ZNF787: variants seen among roughly 807,000 people sequenced by gnomAD.
ZNF787 encodes TTF-I-interacting peptide 20.
ZNF787 carries 7 observed loss-of-function variants against 16.9 expected under a neutral mutation model. The ratio of observed to expected loss-of-function variants is 0.42; its 90% confidence interval spans 0.24 to 0.78. The LOEUF (loss-of-function observed/expected upper bound fraction) is 0.78, where lower values mean the gene tolerates loss of function less well. Ranked by LOEUF, ZNF787 falls within the 30% of genes least tolerant of loss-of-function variation. ZNF787 has a pLI of 0.30. For missense variants in ZNF787, 551 were observed against 589.3 expected (o/e 0.94, Z 0.67); for synonymous variants, 345 against 270.9 (o/e 1.27, Z -2.69).
At chr19:56,119,746 C>T (rs2030232712) in intron 1 of ZNF787, among the ~76,000 whole-genome samples, 1 of 152,202 alleles carries the variant, frequency 6.6e-6, no homozygotes, top group Non-Finnish European at 1.5e-5. Context: ...ATGAGATAAG[C>T]AAGCAGGAAT....
At chr19:56,110,519 T>TAA (rs33942141) in intron 1 of ZNF787, among the ~76,000 whole-genome samples, 2 of 147,748 alleles carry the variant, frequency 1.4e-5, no homozygotes, top group African/African-American at 2.5e-5. Flanking sequence ...TAGGAAAGGT[T>TAA]AAAAAAAAAA....
At chr19:56,108,662 G>T (rs1260133908) in intron 1 of ZNF787, among the ~76,000 whole-genome samples, 1 of 152,036 alleles carries the variant, frequency 6.6e-6, no homozygotes, top group Non-Finnish European at 1.5e-5. Context: ...GGCACAGCTG[G>T]GTGAGCACAC....
chr19:56,110,411 A>C (rs962519503), intron 1 of ZNF787, among the ~76,000 whole-genome samples: 5 of 152,146 alleles, frequency 3.3e-5, no homozygotes, highest in South Asian at 2.1e-4. Context: ...TAATACATTA[A>C]TTGCACCTCT....
chr19:56,108,436 C>T (rs1300606423), intron 1 of ZNF787, among the ~76,000 whole-genome samples: 1 of 151,678 alleles, frequency 6.6e-6, no homozygotes, highest in Non-Finnish European at 1.5e-5. Flanking sequence ...CTGCCCAGAG[C>T]TCTCCTCCAG....
intron 2 of ZNF787, chr19:56,102,852 G>A: frequency 1.4e-6 from 1 of 700,952 alleles, no homozygotes. Context: ...AGACGGGGGT[G>A]CTGCCCAGGC....
At chr19:56,109,740 C>T (rs1435746762) in intron 1 of ZNF787, among the ~76,000 whole-genome samples, 2 of 152,016 alleles carry the variant, frequency 1.3e-5, no homozygotes, top group Admixed American at 1.3e-4. Context: ...AAAAATTAGC[C>T]GGGAGTGGTG....
intron 2 of ZNF787, among the ~76,000 whole-genome samples, chr19:56,095,287 G>A (rs1292637457): frequency 1.3e-5 from 2 of 152,182 alleles, no homozygotes; most frequent in African/African-American, 2.4e-5. Context: ...AACAGGCCAC[G>A]GAGCAGCACC....
At chr19:56,089,145 G>A (rs1985474806) in intron 2 of ZNF787, 53 bp from the exon 3 acceptor site, 2 of 1,338,058 alleles carry the variant, frequency 1.5e-6, no homozygotes, top group Non-Finnish European at 2.0e-6. Context: ...AGGGCTCCAC[G>A]CCTGCCTTGG....
chr19:56,101,456 C>G (rs1292709552), intron 2 of ZNF787, among the ~76,000 whole-genome samples: 1 of 152,248 alleles, frequency 6.6e-6, no homozygotes, highest in African/African-American at 2.4e-5. Flanking sequence ...ACAAGGGGAC[C>G]TGACACCTAC....
chr19:56,108,974 G>C (rs192165056), intron 1 of ZNF787, among the ~76,000 whole-genome samples: 1 of 152,076 alleles, frequency 6.6e-6, no homozygotes, highest in Non-Finnish European at 1.5e-5. Flanking sequence ...GTGAGGTTCC[G>C]AATGGGGAAA....
At position 56,087,758 on chromosome 19, in the gene ZNF787, ATTGTCTCTCCG is replaced by A; in HGVS notation, c.*254_*264del. 1 of 377,996 alleles carries A rather than the reference ATTGTCTCTCCG, an allele frequency of 2.6e-6. No homozygotes were observed. Among genetic ancestry groups the A allele is most frequent in the Non-Finnish European group, 4.1e-6 (1 of 242,900 alleles). 23.4% of individuals were successfully genotyped at this position (377,996 alleles called of 1,614,324 possible). On this transcript the variant is annotated 3_prime_UTR_variant, in exon 3 of 3. Transcript: ENST00000610935. ...CCACTCGGCCTCTGCAGTTCTCTCCATTGTCTCTCCGGCTCGCAGGCCGATAACTTAGGAAG... is the reference window on the plus strand; with the variant it reads ...CCACTCGGCCTCTGCAGTTCTCTCCAGCTCGCAGGCCGATAACTTAGGAAG...
rs775126828 is a variant in ZNF787, at chr19:56,088,998, G to C, written c.174C>G (p.Pro58=). The change falls in exon 3 of 3, where the codon CCC becomes CCG. Residue 58 remains proline, a synonymous_variant. Transcript: ENST00000610935. This position sits in a 1 kb window ranked among gnomAD's most constrained non-coding sequence, Gnocchi z 8.6. ...TGTAGGGGGCGGGCGGCCGCGGCCG[G>C]GGAGGCGGGCCGGCTGGGGGCGCAG... ...PQSAPPAGPP[P]RPRPPAPYIC... is the part of the protein sequence containing the mutation. 3.3e-6 allele frequency: 5 copies of C among 1,497,368 alleles called. No homozygotes were observed. Among genetic ancestry groups the C allele is most frequent in the Admixed American group, 4.7e-5 (2 of 42,504 alleles). 92.8% of individuals were successfully genotyped at this position (1,497,368 alleles called of 1,614,324 possible).
chr19:56,087,991 G>C lies in ZNF787; in HGVS notation c.*32C>G. On this transcript the variant is annotated 3_prime_UTR_variant, in exon 3 of 3. Transcript: ENST00000610935. ...TCGTCGCTCCCGCCAAGCCCGAGGGGCCCTGCCCGCCCCCCCCCCCGGGCC... is the reference window on the plus strand; with the variant it reads ...TCGTCGCTCCCGCCAAGCCCGAGGGCCCCTGCCCGCCCCCCCCCCCGGGCC... 2 of 1,280,082 alleles carry C rather than the reference G, an allele frequency of 1.6e-6. No individual in the cohort carries two copies. The highest frequency in any genetic ancestry group is 2.0e-6 in the Non-Finnish European group (2 of 1,020,878). 79.3% of individuals were successfully genotyped at this position (1,280,082 alleles called of 1,614,324 possible).
At chr19:56,106,971 G>A (rs1294448551) in intron 1 of ZNF787, among the ~76,000 whole-genome samples, 1 of 152,216 alleles carries the variant, frequency 6.6e-6, no homozygotes. Context: ...CCACTGCAGG[G>A]TGCTGTCAAC....
chr19:56,118,352 C>A (rs2123434773), intron 1 of ZNF787, among the ~76,000 whole-genome samples: 1 of 152,298 alleles, frequency 6.6e-6, no homozygotes, highest in Middle Eastern at 3.4e-3. Flanking sequence ...ACAGTACACC[C>A]CACTAGGCAG....
rs62120760 is a variant in ZNF787 at position 56,120,656 on chromosome 19, T to C, written c.-11+516A>G. On this transcript the variant is annotated intron_variant, in intron 1 of 2. Coordinates refer to ENST00000610935, the MANE Select transcript of ZNF787 (RefSeq NM_001002836.4). ...AGGAAGGGCTGGGGGGGCCGAGGGC[T>C]GAGACCGTGCCCTCGGGGCCGCGGT... 5.8e-3 allele frequency among the ~76,000 whole-genome samples: 876 copies of C among 151,792 alleles called. 4 individuals are homozygous for C. Among genetic ancestry groups the C allele is most frequent in the Non-Finnish European group, 7.1e-3 (480 of 67,894 alleles).
chr19:56,113,706 C>CTGGGACGCAGGGAGGCAGGGAGGG (rs2030049241), intron 1 of ZNF787, among the ~76,000 whole-genome samples: 6 of 101,044 alleles, frequency 5.9e-5, no homozygotes, highest in African/African-American at 2.0e-4. Context: ...GGCAGGGAGG[C>CTGGGACGCAGGGAGGCAGGGAGGG]AGGGAGGGAG....
In ZNF787 at chr19:56,088,804, G is replaced by T; in HGVS notation, c.368C>A (p.Ala123Asp). The T allele has an allele frequency of 6.2e-7, 1 of 1,612,068 alleles. No homozygotes were observed. The highest frequency in any genetic ancestry group is 8.5e-7 in the Non-Finnish European group (1 of 1,179,200). ...GAAGCGCTTGCCGCACTCCAAGCAG[G>T]CGTAGGGCTTCTCGCCCGTGTGGAT... ...RRIHTGEKPYACLECGKRFSW... is the reference protein window; with the variant it reads ...RRIHTGEKPYDCLECGKRFSW... The change falls in exon 3 of 3, where the codon GCC (alanine) becomes GAC (aspartate). Residue 123 changes from alanine (A) to aspartate (D), a missense_variant. Physicochemically the swap from Ala to Asp is moderately radical, Grantham distance 126. Coordinates refer to ENST00000610935, the MANE Select transcript of ZNF787 (RefSeq NM_001002836.4). This position sits in a 1 kb window ranked among gnomAD's most constrained non-coding sequence, Gnocchi z 8.6.
intron 1 of ZNF787, among the ~76,000 whole-genome samples, chr19:56,103,683 A>C (rs920215056): frequency 2.6e-5 from 4 of 152,220 alleles, no homozygotes; most frequent in Non-Finnish European, 4.4e-5. Context: ...CCATCACAGC[A>C]GAAACAGGGC....
Sources: gnomAD v4.1 joint callset for allele counts (sites outside exome capture counted in the v4.1 genomes callset) on GRCh38, gnomAD v4.1.1 for gene constraint, Gnocchi (gnomAD v3.1) non-coding constraint, MANE v1.5 for transcripts, NCBI Gene and HGNC (gene_info 2026-07-23, HGNC 2026-07-21) for gene names.